CDH7: variants seen among roughly 807,000 people sequenced by gnomAD.
CDH7 encodes cadherin-7.
CDH7 carries 25 observed loss-of-function variants against 71.8 expected under a neutral mutation model. The observed-to-expected ratio is 0.35, with a 90% CI of 0.25 to 0.49. The LOEUF is 0.49. CDH7 is among the 20% of genes least tolerant of loss of function. The pLI is 0.99. For missense variants in CDH7, 862 were observed against 974.6 expected, an observed-to-expected ratio of 0.88 and a Z score of 1.54; for synonymous variants, 381 against 363.8, an observed-to-expected ratio of 1.05 and a Z score of -0.54.
In CDH7 at chr18:65,873,769, C is replaced by A. The variant is rs527975396; in HGVS notation, c.1865-6632C>A. On this transcript the variant is annotated intron_variant, in intron 11 of 11. Coordinates refer to ENST00000397968, the MANE Select transcript of CDH7 (RefSeq NM_004361.5). Reference sequence around the variant, plus strand: ...TAGATGATGGTGTTTTTGGTAAAGACTTACTTATCCCTCAAGTCACATTTC... The same window carrying A: ...TAGATGATGGTGTTTTTGGTAAAGAATTACTTATCCCTCAAGTCACATTTC... Among the ~76,000 whole-genome samples, 60 of 152,218 alleles carry A rather than the reference C, an allele frequency of 3.9e-4. 2 individuals are homozygous for A. In the South Asian group the frequency reaches 0.011, roughly 29 times the overall value.
chr18:65,866,821 T>C (rs569010883), intron 11 of CDH7, among the ~76,000 whole-genome samples: 1 of 152,146 alleles, frequency 6.6e-6, no homozygotes, highest in South Asian at 2.1e-4. Context: ...TCATTCTTGC[T>C]CTCTCTCTAA....
intron 10 of CDH7, among the ~76,000 whole-genome samples, chr18:65,860,984 A>C (rs1913543726): frequency 6.6e-6 from 1 of 152,192 alleles, no homozygotes; most frequent in African/African-American, 2.4e-5. Flanking sequence ...AAGAAGGATA[A>C]TTCTCAGCAT....
At chr18:65,855,331 C>T (rs10871592) in intron 7 of CDH7, among the ~76,000 whole-genome samples, 12,261 of 144,894 alleles carry the variant, frequency 0.085, 1,648 homozygotes, top group African/African-American at 0.29. Flanking sequence ...TATTGATAAA[C>T]GTCTACCAAC....
In CDH7 at chr18:65,837,113, A is replaced by G. The variant is rs187295384; in HGVS notation, c.982-6699A>G. Among the ~76,000 whole-genome samples the G allele has an allele frequency of 2.7e-3, 405 of 152,326 alleles. 3 individuals carry two copies. Among genetic ancestry groups the G allele is most frequent in the African/African-American group, 9.2e-3 (382 of 41,574 alleles). On this transcript the variant is annotated intron_variant, in intron 6 of 11. Coordinates refer to ENST00000397968, the MANE Select transcript of CDH7 (RefSeq NM_004361.5). ...CTTTCTCTCACCTTCTTCTGTAGAA[A>G]ATATAATTTCTTGCTAAAATTCATG...
chr18:65,785,810 T>C (rs1410397057), intron 2 of CDH7, among the ~76,000 whole-genome samples: 1 of 152,138 alleles, frequency 6.6e-6, no homozygotes. Flanking sequence ...AGAGTTCCTT[T>C]CTCCTTAAGA....
At chr18:65,876,041 T>G (rs1049807565) in intron 11 of CDH7, among the ~76,000 whole-genome samples, 24 of 152,242 alleles carry the variant, frequency 1.6e-4, no homozygotes, top group African/African-American at 5.8e-4. Flanking sequence ...AATTTTATTC[T>G]TGTAATTCTC....
intron 2 of CDH7, among the ~76,000 whole-genome samples, chr18:65,788,668 TG>T (rs1346020876): frequency 6.6e-6 from 1 of 152,208 alleles, no homozygotes; most frequent in Non-Finnish European, 1.5e-5. Flanking sequence ...TAGAGCTTTT[TG>T]CTGATGCCAC....
chr18:65,750,685 G>A (rs1192818714), upstream of CDH7: 1 of 152,156 alleles, frequency 6.6e-6, no homozygotes, highest in Non-Finnish European at 1.5e-5. Flanking sequence ...TGGCTCCCTG[G>A]GCCGGCCTCC....
chr18:65,805,157 A>G lies in CDH7; in HGVS notation c.211-4547A>G, dbSNP rs1199712184. Among the ~76,000 whole-genome samples, 3 of 152,242 alleles carry G rather than the reference A, an allele frequency of 2.0e-5. No homozygotes were observed. In the South Asian group the frequency reaches 6.2e-4, roughly 31 times the overall value. ...AGGAGTTTATAAATTAAAGTTGGATATAAAAATAACTAGATTTTCAATATA... is the reference window on the plus strand; with the variant it reads ...AGGAGTTTATAAATTAAAGTTGGATGTAAAAATAACTAGATTTTCAATATA... On this transcript the variant is annotated intron_variant, in intron 2 of 11. Transcript: ENST00000397968.
Position 65,862,916 on chromosome 18 carries a change from G to C in CDH7, c.1863G>C (p.Leu621Phe), listed in dbSNP as rs1048985365. Residue 621 changes from leucine (L) to phenylalanine (F), a missense_variant and splice_region_variant, in exon 11 of 12, where the codon TTG becomes TTC. Coordinates refer to ENST00000397968, the MANE Select transcript of CDH7 (RefSeq NM_004361.5). ...TACTCGCCTGTGTCTTGACATTATT[G>C]GGTAGGTACTGTTTCCAGGGCTTGC... ...IAILACVLTLLVLILLIVTMR... is the reference protein window; with the variant it reads ...IAILACVLTLFVLILLIVTMR... 1.6e-5 allele frequency: 26 copies of C among 1,613,804 alleles called. No homozygotes were observed. The highest frequency in any genetic ancestry group is 2.1e-5 in the Non-Finnish European group (25 of 1,179,794).
rs1156727313 is a variant in CDH7, at chr18:65,778,529, C to CTTTTTTTTTTTT, written c.210+15486_210+15497dup. Among the ~76,000 whole-genome samples, 445 of 84,200 alleles carry CTTTTTTTTTTTT rather than the reference C, an allele frequency of 5.3e-3. 42 individuals carry two copies. The highest frequency in any genetic ancestry group is 0.016 in the African/African-American group (370 of 22,530). 55.2% of individuals were successfully genotyped at this position (84,200 alleles called of 152,430 possible). On this transcript the variant is annotated intron_variant, in intron 2 of 11. Transcript: ENST00000397968. Reference sequence around the variant, plus strand: ...AATTTTTTGCCCCAGGCGTCTCACTCTTTTTTTTTTTTTTTTTTTTACATA... The same window carrying CTTTTTTTTTTTT: ...AATTTTTTGCCCCAGGCGTCTCACTCTTTTTTTTTTTTTTTTTTTTTTTTTTTTTTTTACATA...
At chr18:65,754,123 C>T (rs192312258) in intron 1 of CDH7, among the ~76,000 whole-genome samples, 2 of 152,264 alleles carry the variant, frequency 1.3e-5, no homozygotes, top group South Asian at 2.1e-4. Context: ...TGCCTTGTTA[C>T]TTTGTTTACT....
chr18:65,782,055 T>TC, intron 2 of CDH7, among the ~76,000 whole-genome samples: 1 of 62,638 alleles, frequency 1.6e-5, no homozygotes, highest in African/African-American at 1.5e-4. Flanking sequence ...CCTTCCTTCC[T>TC]TCCTTCCTTT....
intron 2 of CDH7, among the ~76,000 whole-genome samples, chr18:65,783,343 C>T (rs746868400): frequency 6.6e-6 from 1 of 152,064 alleles, no homozygotes; most frequent in Non-Finnish European, 1.5e-5. Flanking sequence ...TAATAGTTGA[C>T]CATTCTGAAA....
chr18:65,840,655 C>T (rs1002925893), intron 6 of CDH7, among the ~76,000 whole-genome samples: 5 of 152,096 alleles, frequency 3.3e-5, no homozygotes, highest in Non-Finnish European at 4.4e-5. Flanking sequence ...ACAAGCTCTT[C>T]TCTTGTCTGC....
chr18:65,854,153 A>G (rs1445332589), intron 7 of CDH7, among the ~76,000 whole-genome samples: 1 of 151,318 alleles, frequency 6.6e-6, no homozygotes, highest in African/African-American at 2.4e-5. Flanking sequence ...AAAAAATACA[A>G]AAATTAGCTT....
At chr18:65,758,957 C>A (rs1199039324) in intron 1 of CDH7, among the ~76,000 whole-genome samples, 1 of 152,080 alleles carries the variant, frequency 6.6e-6, no homozygotes, top group Non-Finnish European at 1.5e-5. Flanking sequence ...TTTTAAAAAC[C>A]CTTGATTAAA....
Position 65,787,174 on chromosome 18 carries a change from A to G in CDH7, c.211-22530A>G, listed in dbSNP as rs113971681. Among the ~76,000 whole-genome samples, 1,283 of 152,332 alleles carry G rather than the reference A, an allele frequency of 8.4e-3. 13 individuals carry two copies. The highest frequency in any genetic ancestry group is 0.03 in the African/African-American group (1,233 of 41,572). On this transcript the variant is annotated intron_variant, in intron 2 of 11. Coordinates refer to ENST00000397968, the MANE Select transcript of CDH7 (RefSeq NM_004361.5). ...TTTATGGAAAATTATTTATTTTAACATTTCAATAGATTTCATATATATGTA... is the reference window on the plus strand; with the variant it reads ...TTTATGGAAAATTATTTATTTTAACGTTTCAATAGATTTCATATATATGTA...
At chr18:65,815,976 T>G (rs1375690541) in intron 4 of CDH7, among the ~76,000 whole-genome samples, 2 of 152,172 alleles carry the variant, frequency 1.3e-5, no homozygotes, top group Admixed American at 6.5e-5. Context: ...AGTCCAAGGA[T>G]AAAATATTTT....
Sources: allele counts gnomAD v4.1 joint callset (sites outside exome capture counted in the v4.1 genomes callset), GRCh38; gene constraint gnomAD v4.1.1; transcripts MANE v1.5; gene names NCBI Gene and HGNC (gene_info 2026-07-23, HGNC 2026-07-21).